PTP4A1: variants seen among roughly 807,000 people sequenced by gnomAD.
PTP4A1 encodes the protein protein tyrosine phosphatase 4A1.
PTP4A1 carries 9 observed loss-of-function variants against 20.5 expected under a neutral mutation model. The ratio of observed to expected loss-of-function variants is 0.44; its 90% CI spans 0.26 to 0.77. PTP4A1 has a LOEUF of 0.77. Ranked by LOEUF, PTP4A1 falls within the 30% of genes least tolerant of loss-of-function variation. The pLI is 0.19. For synonymous variants in PTP4A1, 78 were observed against 67.4 expected (o/e 1.16, Z -0.77); for missense variants, 137 against 218.8 (o/e 0.63, Z 2.36).
At chr6:63,517,222 C>T (rs1053936135), upstream of PTP4A1, among the ~76,000 whole-genome samples, 3 of 152,092 alleles carry the variant, frequency 2.0e-5, no homozygotes, top group South Asian at 4.2e-4. Flanking sequence ...AAAGTCTTAC[C>T]TTTCAGACCA....
rs1386804514 is a variant in PTP4A1, at chr6:63,531,229, C to CCACCT, written c.-640+3147_-640+3151dup. Reference sequence around the variant, plus strand: ...TTCACAGCCAATGGGCAGAGACTGTCCACCTCTAAACTAATCACAGACTAA... The same window carrying CCACCT: ...TTCACAGCCAATGGGCAGAGACTGTCCACCTCACCTCTAAACTAATCACAGACTAA... On this transcript the variant is annotated intron_variant, in intron 2 of 3. Coordinates refer to the PTP4A1 transcript ENST00000639568. Among the ~76,000 whole-genome samples, 7 of 152,234 alleles carry CCACCT rather than the reference C, an allele frequency of 4.6e-5. No homozygotes were observed. The East Asian group carries it at 9.7e-4, about 21-fold the overall frequency.
At chr6:63,560,899 C>G (rs1229738837) in intron 3 of PTP4A1, among the ~76,000 whole-genome samples, 1 of 152,050 alleles carries the variant, frequency 6.6e-6, no homozygotes, top group Admixed American at 6.6e-5. Flanking sequence ...CTTGAAGTAG[C>G]CATCAGAATG....
At chr6:63,542,025 GTGTGT>G (rs773398170) in intron 2 of PTP4A1, among the ~76,000 whole-genome samples, 1 of 29,326 alleles carries the variant, frequency 3.4e-5, no homozygotes, top group Non-Finnish European at 1.1e-4. Context: ...AAACTGTGGT[GTGTGT>G]GTGTGTGTGT....
At chr6:63,569,848 G>C (rs1411802597), upstream of PTP4A1, among the ~76,000 whole-genome samples, 1 of 152,174 alleles carries the variant, frequency 6.6e-6, no homozygotes, top group Non-Finnish European at 1.5e-5. Flanking sequence ...CTTTAAATAA[G>C]TACAGGTGCT....
In PTP4A1 at chr6:63,581,412, G is replaced by A. The variant is rs1308252591; in HGVS notation, c.*1238G>A. ...TCACCAGCTTGTAAAAACTTAGTGC[G>A]AGAGCTGAAACATCTAAATAAATAA... is the stretch of plus-strand genomic sequence containing the variant. On this transcript the variant is annotated 3_prime_UTR_variant, in exon 6 of 6. Coordinates refer to ENST00000626021, the MANE Select transcript of PTP4A1 (RefSeq NM_003463.5). 2 of 152,510 alleles carry A rather than the reference G, an allele frequency of 1.3e-5. No homozygotes were observed. Among genetic ancestry groups the A allele is most frequent in the African/African-American group, 4.8e-5 (2 of 41,406 alleles). The allele number at this position is 152,510 out of a possible 1,614,324, so 9.4% of individuals were successfully genotyped here. A position where few individuals can be genotyped will look rare whatever the true frequency, so the allele number is the denominator to read the frequency against.
upstream of PTP4A1, among the ~76,000 whole-genome samples, chr6:63,521,168 A>G (rs534555618): frequency 6.6e-6 from 1 of 152,288 alleles, no homozygotes. Flanking sequence ...ACCATGGTAC[A>G]TGTATACCTA....
At chr6:63,538,846 T>C (rs531327582) in intron 2 of PTP4A1, among the ~76,000 whole-genome samples, 1 of 152,296 alleles carries the variant, frequency 6.6e-6, no homozygotes, top group South Asian at 2.1e-4. Flanking sequence ...ATGCTGATGA[T>C]ACTAGGTGTG....
At chr6:63,537,721 G>A (rs1012116386) in intron 2 of PTP4A1, among the ~76,000 whole-genome samples, 2 of 152,220 alleles carry the variant, frequency 1.3e-5, no homozygotes, top group African/African-American at 4.8e-5. Flanking sequence ...TAACACCCTT[G>A]TCAGCAGATC....
upstream of PTP4A1, chr6:63,570,874 A>T (rs1777387298): frequency 6.6e-6 from 1 of 152,202 alleles, no homozygotes; most frequent in Non-Finnish European, 1.5e-5. Flanking sequence ...GCCATATAAA[A>T]GTTTTTAGTT....
Position 63,578,293 on chromosome 6 carries a change from TTAAACA to T in PTP4A1, c.106-139_106-134del, listed in dbSNP as rs1334993614. 6.5e-6 allele frequency: 7 copies of T among 1,075,998 alleles called. No homozygotes were observed. In the African/African-American group the frequency reaches 1.2e-4, roughly 18 times the overall value. 66.7% of individuals were successfully genotyped at this position (1,075,998 alleles called of 1,614,324 possible). A position where few individuals can be genotyped will look rare whatever the true frequency, so the allele number is the denominator to read the frequency against. The stretch of plus-strand genomic sequence containing the variant: ...ACTTAAAACAAAATTTGCTTTTGTG[TTAAACA>T]TAAATGGATTCTAGCATTCTTTAAA... On this transcript the variant is annotated intron_variant, in intron 2 of 5. Coordinates refer to ENST00000626021, the MANE Select transcript of PTP4A1 (RefSeq NM_003463.5).
At chr6:63,518,154 CAAA>C (rs60368385), upstream of PTP4A1, among the ~76,000 whole-genome samples, 6 of 62,096 alleles carry the variant, frequency 9.7e-5, no homozygotes, top group Admixed American at 1.9e-4. Flanking sequence ...ACTCCGTCTC[CAAA>C]AAAAAAAAAA....
intron 1 of PTP4A1, among the ~76,000 whole-genome samples, chr6:63,525,475 T>C (rs906911870): frequency 2.0e-5 from 3 of 152,220 alleles, no homozygotes; most frequent in African/African-American, 7.2e-5. Context: ...TTCTAGCTTT[T>C]TCTAGTAGCA....
At chr6:63,522,653 T>C (rs1774981594) in intron 1 of PTP4A1, among the ~76,000 whole-genome samples, 1 of 152,190 alleles carries the variant, frequency 6.6e-6, no homozygotes, top group Admixed American at 6.6e-5. Flanking sequence ...TATTTGCTCA[T>C]AAGTTTTTAT....
In PTP4A1 at chr6:63,580,216, G is replaced by C. The variant is rs1359101883; in HGVS notation, c.*42G>C. Reference sequence around the variant, plus strand: ...GCTACTGGAAGTGGAACTTGAGATAGGGCCTAATTTGTTATACATATTAGC... The same window carrying C: ...GCTACTGGAAGTGGAACTTGAGATACGGCCTAATTTGTTATACATATTAGC... On this transcript the variant is annotated 3_prime_UTR_variant, in exon 6 of 6. Transcript: ENST00000626021. 5.5e-6 allele frequency: 8 copies of C among 1,447,792 alleles called. No individual in the cohort carries two copies. The highest frequency in any genetic ancestry group is 1.7e-5 in the Admixed American group (1 of 59,372). 89.7% of individuals were successfully genotyped at this position (1,447,792 alleles called of 1,614,324 possible).
chr6:63,535,789 A>G (rs140070887), intron 2 of PTP4A1, among the ~76,000 whole-genome samples: 5 of 152,242 alleles, frequency 3.3e-5, no homozygotes, highest in African/African-American at 7.2e-5. Flanking sequence ...ATCAATAGCT[A>G]TATTTAGGCT....
intron 1 of PTP4A1, among the ~76,000 whole-genome samples, chr6:63,527,324 A>G (rs1775231235): frequency 6.6e-6 from 1 of 152,204 alleles, no homozygotes; most frequent in Non-Finnish European, 1.5e-5. Flanking sequence ...AAGACATGCC[A>G]TATATCTTAC....
At chr6:63,571,610 T>TA (rs1327072384), upstream of PTP4A1, 3 of 152,238 alleles carry the variant, frequency 2.0e-5, no homozygotes, top group African/African-American at 7.2e-5. Context: ...TCTTAATTTC[T>TA]AAAAACGCTT....
At chr6:63,564,012 C>T (rs568277255) in intron 3 of PTP4A1, among the ~76,000 whole-genome samples, 9 of 152,156 alleles carry the variant, frequency 5.9e-5, no homozygotes, top group Non-Finnish European at 1.2e-4. Context: ...TGGTGGCTCA[C>T]GCCTGTAATC....
chr6:63,548,559 T>A (rs1396656312), intron 2 of PTP4A1: 1 of 254,400 alleles, frequency 3.9e-6, no homozygotes, highest in Non-Finnish European at 7.7e-6. Flanking sequence ...TATTCCTCTC[T>A]CCAAGCACAG....
Sources: allele counts gnomAD v4.1 joint callset (sites outside exome capture counted in the v4.1 genomes callset), GRCh38; gene constraint gnomAD v4.1.1; transcripts MANE v1.5; gene names NCBI Gene and HGNC (gene_info 2026-07-23, HGNC 2026-07-21).